The following TTLL7 variants were observed in gnomAD, a reference collection of about 807,000 sequenced individuals.
TTLL7 encodes the protein tubulin polyglutamylase TTLL7.
Under a neutral mutation model 120.2 loss-of-function variants are expected in TTLL7, and 53 were observed. The observed-to-expected ratio is 0.44, with a 90% CI of 0.35 to 0.55. TTLL7 has a LOEUF of 0.55. Ranked by LOEUF, TTLL7 falls within the 20% of genes least tolerant of loss-of-function variation. TTLL7 has a pLI of 0.00. For synonymous variants in TTLL7, 353 were observed against 351.7 expected, an observed-to-expected ratio of 1.00 and a Z score of -0.04; for missense variants, 803 against 1,054.7, an observed-to-expected ratio of 0.76 and a Z score of 3.31.
intron 13 of TTLL7, among the ~76,000 whole-genome samples, chr1:83,918,338 C>G (rs1658362599): frequency 6.6e-6 from 1 of 152,124 alleles, no homozygotes; most frequent in African/African-American, 2.4e-5. Flanking sequence ...TTTGTAAAAG[C>G]ATATACCCCA....
intron 3 of TTLL7, 69 bp from the exon 4 acceptor site, chr1:83,950,055 T>C: frequency 7.4e-7 from 1 of 1,350,780 alleles, no homozygotes; most frequent in Non-Finnish European, 1.0e-6. Context: ...CAGAAACATT[T>C]TTCTATCTAA....
intron 10 of TTLL7, among the ~76,000 whole-genome samples, chr1:83,923,684 A>G (rs1228637520): frequency 6.6e-6 from 1 of 152,148 alleles, no homozygotes; most frequent in Non-Finnish European, 1.5e-5. Flanking sequence ...TTGTCATTCT[A>G]AAAACTATTT....
At chr1:83,913,106 T>C (rs771795491) in intron 14 of TTLL7, 4 of 152,152 alleles carry the variant, frequency 2.6e-5, no homozygotes, top group Non-Finnish European at 5.9e-5. Context: ...TTGGGACTTT[T>C]TGACCAACAC....
At position 83,881,661 on chromosome 1, in the gene TTLL7, AT is replaced by A. The variant is rs1261546037; in HGVS notation, c.2543+1301del. Among the ~76,000 whole-genome samples, 683 of 151,464 alleles carry A rather than the reference AT, an allele frequency of 4.5e-3. 8 individuals are homozygous for A. Among genetic ancestry groups the A allele is most frequent in the African/African-American group, 0.016 (652 of 41,438 alleles). On this transcript the variant is annotated intron_variant, in intron 20 of 20. Transcript: ENST00000260505. ...GGTGGGACTGTAAACTAGTTCAACCATTGTGGAAGTCAGTGTGGCGATTCCT... is the reference window on the plus strand; with the variant it reads ...GGTGGGACTGTAAACTAGTTCAACCATGTGGAAGTCAGTGTGGCGATTCCT...
rs1419829716 is a variant in TTLL7, at chr1:83,868,656, T to C, written c.*1306A>G. 1.3e-5 allele frequency: 2 copies of C among 152,206 alleles called. No individual in the cohort carries two copies. Among genetic ancestry groups the C allele is most frequent in the Admixed American group, 6.5e-5 (1 of 15,282 alleles). The allele number at this position is 152,206 out of a possible 1,614,324, so 9.4% of individuals were successfully genotyped here. On this transcript the variant is annotated 3_prime_UTR_variant, in exon 21 of 21. Transcript: ENST00000260505. ...GTTGATTTCAACCTTGAGAGATTTA[T>C]AAAAATAAGTTTGTCTCATTATCCT...
intron 1 of TTLL7, among the ~76,000 whole-genome samples, chr1:83,965,976 T>C (rs771633291): frequency 5.3e-5 from 8 of 152,114 alleles, no homozygotes; most frequent in Non-Finnish European, 1.0e-4. Context: ...ATTAAGATTA[T>C]GAATAAAGGT....
intron 15 of TTLL7, among the ~76,000 whole-genome samples, chr1:83,910,601 TG>T (rs1376829731): frequency 6.6e-6 from 1 of 152,020 alleles, no homozygotes; most frequent in African/African-American, 2.4e-5. Flanking sequence ...CGGAAGGAGA[TG>T]GAACAGCTGG....
At position 83,976,045 on chromosome 1, in the gene TTLL7, G is replaced by C. The variant is rs879463216; in HGVS notation, c.-177+22886C>G. ...ATTTTGTCTCTCTCTGTGTGTGTGTGTGTGTGTGTGTGTGTGTGTGTGTGT... is the reference window on the plus strand; with the variant it reads ...ATTTTGTCTCTCTCTGTGTGTGTGTCTGTGTGTGTGTGTGTGTGTGTGTGT... On this transcript the variant is annotated intron_variant, in intron 1 of 20. Transcript: ENST00000260505. Among the ~76,000 whole-genome samples, 673 of 145,864 alleles carry C rather than the reference G, an allele frequency of 4.6e-3. 1 individual carries two copies. The highest frequency in any genetic ancestry group is 0.022 in the South Asian group (100 of 4,610).
chr1:83,960,854 C>T (rs1341500033), intron 1 of TTLL7, among the ~76,000 whole-genome samples: 1 of 152,110 alleles, frequency 6.6e-6, no homozygotes, highest in Non-Finnish European at 1.5e-5. Context: ...TGCCACCACT[C>T]ATTGTGTGTA....
At chr1:83,907,758 T>G (rs1239308374) in intron 15 of TTLL7, 97 bp from the exon 16 acceptor site, 2 of 1,065,604 alleles carry the variant, frequency 1.9e-6, no homozygotes, top group Non-Finnish European at 2.7e-6. Flanking sequence ...TAGCAGCTAG[T>G]AGTAAAGTAG....
At chr1:83,917,727 A>G (rs758871825) in intron 13 of TTLL7, 37 bp from the exon 14 acceptor site, 1 of 1,374,788 alleles carries the variant, frequency 7.3e-7, no homozygotes. Flanking sequence ...ACAACCACTA[A>G]TGGACTCTAG....
chr1:83,876,157 T>C (rs370675406), intron 20 of TTLL7, among the ~76,000 whole-genome samples: 1 of 151,934 alleles, frequency 6.6e-6, no homozygotes, highest in Non-Finnish European at 1.5e-5. Flanking sequence ...CCTAGAACCA[T>C]TGTTTAAACA....
At chr1:83,973,640 A>G (rs908904734) in intron 1 of TTLL7, among the ~76,000 whole-genome samples, 1 of 152,072 alleles carries the variant, frequency 6.6e-6, no homozygotes, top group African/African-American at 2.4e-5. Context: ...CAATGAATCT[A>G]TAGATCAAGT....
chr1:83,947,232 A>G lies in TTLL7; in HGVS notation c.398T>C (p.Ile133Thr), dbSNP rs745434071. 12 of 1,612,418 alleles carry G rather than the reference A, an allele frequency of 7.4e-6. No homozygotes were observed. Among genetic ancestry groups the G allele is most frequent in the South Asian group, 5.5e-5 (5 of 90,536 alleles). ...LDYTFVPRTWIFPAEYTQFQN... is the reference protein window; with the variant it reads ...LDYTFVPRTWTFPAEYTQFQN... ...GAATTGAGTATATTCAGCAGGAAAG[A>G]TCCAAGTTCGAGGAACAAAGGTATA... Residue 133 changes from isoleucine (I) to threonine (T), a missense_variant, in exon 6 of 21, where the codon ATC becomes ACC. By Grantham distance (89) the Ile-to-Thr change is moderately conservative. Transcript: ENST00000260505.
chr1:83,905,473 T>C lies in TTLL7; in HGVS notation c.2127+856A>G, dbSNP rs1024704595. Among the ~76,000 whole-genome samples, 4 of 151,462 alleles carry C rather than the reference T, an allele frequency of 2.6e-5. No homozygotes were observed. The Admixed American group carries it at 2.6e-4, about 10-fold the overall frequency. ...AAAACGAAAATGCCAAGTGCATGGC[T>C]GTAGTTTTTATCCTATAACTGGCCA... On this transcript the variant is annotated intron_variant, in intron 17 of 20. Coordinates refer to ENST00000260505, the MANE Select transcript of TTLL7 (RefSeq NM_024686.6).
In TTLL7 at chr1:83,868,946, C is replaced by G. The variant is rs1455980253; in HGVS notation, c.*1016G>C. 1.3e-5 allele frequency: 2 copies of G among 149,598 alleles called. No individual in the cohort carries two copies. The highest frequency in any genetic ancestry group is 3.0e-5 in the Non-Finnish European group (2 of 67,352). 9.3% of individuals were successfully genotyped at this position (149,598 alleles called of 1,614,324 possible). On this transcript the variant is annotated 3_prime_UTR_variant, in exon 21 of 21. Transcript: ENST00000260505. ...CATTTTATTTATTTATTTTTATCTT[C>G]TTTTTATTTATTTATTTATTTTATT...
At position 83,890,411 on chromosome 1, in the gene TTLL7, T is replaced by A. The variant is rs1655369047; in HGVS notation, c.2279A>T (p.Glu760Val). 2 of 1,613,408 alleles carry A rather than the reference T, an allele frequency of 1.2e-6. No homozygotes were observed. Among genetic ancestry groups the A allele is most frequent in the Admixed American group, 3.3e-5 (2 of 59,938 alleles). Residue 760 changes from glutamate to valine, a missense_variant, in exon 19 of 21, where the codon GAA becomes GTA. Glu to Val is a moderately radical substitution (Grantham distance 121). Coordinates refer to ENST00000260505, the MANE Select transcript of TTLL7 (RefSeq NM_024686.6). ...GTTGAAAATCCGATATAAATTTACT[T>A]CTTCAACATCAGGCACCTTCCAGAT... ...PRIWKVPDVEEVNLYRIFNRV... is the reference protein window; with the variant it reads ...PRIWKVPDVEVVNLYRIFNRV...
At chr1:83,892,869 TAAAGA>T (rs1282347915) in intron 18 of TTLL7, among the ~76,000 whole-genome samples, 70 of 97,012 alleles carry the variant, frequency 7.2e-4, no homozygotes, top group Admixed American at 1.2e-3. Context: ...TGAATATATA[TAAAGA>T]AAAGAGCAAA....
intron 20 of TTLL7, among the ~76,000 whole-genome samples, chr1:83,874,474 CTTTT>C (rs1206348390): frequency 6.6e-6 from 1 of 151,896 alleles, no homozygotes; most frequent in Admixed American, 6.6e-5. Context: ...GTTTTTCATT[CTTTT>C]GAGTAAACAC....
Sources: allele counts gnomAD v4.1 joint callset (sites outside exome capture counted in the v4.1 genomes callset), GRCh38; gene constraint gnomAD v4.1.1; transcripts MANE v1.5; gene names NCBI Gene and HGNC (gene_info 2026-07-23, HGNC 2026-07-21).